The following SCNN1G variants were observed in gnomAD, a reference collection of about 807,000 sequenced individuals.
The protein encoded by SCNN1G is epithelial sodium channel subunit gamma.
A neutral mutation model predicts 64.6 loss-of-function variants in SCNN1G; 27 were observed. The observed-to-expected ratio is 0.42, with a 90% CI of 0.31 to 0.58. The LOEUF is 0.58. Ranked by LOEUF, SCNN1G falls within the 20% of genes least tolerant of loss-of-function variation. The pLI, the probability that SCNN1G is intolerant of heterozygous loss-of-function variation, is 0.18. For missense variants in SCNN1G, 743 were observed against 823.4 expected, an observed-to-expected ratio of 0.90 and a Z score of 1.19; for synonymous variants, 330 against 314.2, an observed-to-expected ratio of 1.05 and a Z score of -0.53.
intron 6 of SCNN1G, among the ~76,000 whole-genome samples, chr16:23,200,510 T>C (rs1347073854): frequency 6.6e-6 from 1 of 152,180 alleles, no homozygotes; most frequent in Non-Finnish European, 1.5e-5. Context: ...TGGTGGGCAA[T>C]TAGGGCTTGG....
chr16:23,185,098 T>C (rs1230646778), intron 1 of SCNN1G, among the ~76,000 whole-genome samples: 1 of 152,210 alleles, frequency 6.6e-6, no homozygotes, highest in Non-Finnish European at 1.5e-5. Flanking sequence ...GCGTATGCCA[T>C]AGCGGTGAAG....
chr16:23,193,782 CA>C (rs1307267997), intron 4 of SCNN1G, among the ~76,000 whole-genome samples: 3 of 150,864 alleles, frequency 2.0e-5, no homozygotes, highest in Non-Finnish European at 4.4e-5. Context: ...AGTTGGGTTC[CA>C]AAGTCATGTA....
At chr16:23,199,312 T>C (rs144129588) in intron 6 of SCNN1G, among the ~76,000 whole-genome samples, 1 of 152,340 alleles carries the variant, frequency 6.6e-6, no homozygotes, top group African/African-American at 2.4e-5. Context: ...CATCATTCTT[T>C]TAAAAGATTC....
Position 23,194,211 on chromosome 16 carries a change from T to C in SCNN1G, c.850T>C (p.Tyr284His). 5 of 1,614,050 alleles carry C rather than the reference T, an allele frequency of 3.1e-6. No individual in the cohort carries two copies. Among genetic ancestry groups the C allele is most frequent in the Non-Finnish European group, 4.2e-6 (5 of 1,179,960 alleles). Residue 284 changes from tyrosine to histidine, a missense_variant, in exon 5 of 13, where the codon TAT becomes CAT. By Grantham distance (83) the Tyr-to-His change is moderately conservative (BLOSUM62 2). Transcript: ENST00000300061. ...LFHHPMHGNCYTFNNRENETI... is the reference protein window; with the variant it reads ...LFHHPMHGNCHTFNNRENETI... ...CCACCACCCGATGCATGGGAATTGC[T>C]ATACTTTCAACAACAGAGAAAATGA...
In SCNN1G at chr16:23,210,831, A is replaced by T. The variant is rs1030947203; in HGVS notation, c.1176+983A>T. ...AAGATCACTTGAGCCCAGGAGTTTG[A>T]GACCAGCCTGGGCAACATAGCAAGA... On this transcript the variant is annotated intron_variant, in intron 7 of 12. Transcript: ENST00000300061. Among the ~76,000 whole-genome samples the T allele has an allele frequency of 2.0e-5, 3 of 152,128 alleles. No homozygotes were observed. The East Asian group carries it at 5.8e-4, about 29-fold the overall frequency.
intron 1 of SCNN1G, among the ~76,000 whole-genome samples, chr16:23,185,066 C>A (rs1004255294): frequency 6.6e-6 from 1 of 152,204 alleles, no homozygotes; most frequent in Non-Finnish European, 1.5e-5. Context: ...CTGCACCCAG[C>A]GTACTACCAG....
At chr16:23,209,623 T>C in intron 6 of SCNN1G, 127 bp from the exon 7 acceptor site, 3 of 739,198 alleles carry the variant, frequency 4.1e-6, no homozygotes, top group South Asian at 1.4e-5. Flanking sequence ...TTTCATTAAA[T>C]GAATGACCAA....
intron 6 of SCNN1G, among the ~76,000 whole-genome samples, chr16:23,204,304 T>TAC (rs1217720637): frequency 1.7e-4 from 9 of 54,436 alleles, no homozygotes; most frequent in South Asian, 7.4e-4. Context: ...TATATATATA[T>TAC]ATATATATAT....
chr16:23,211,979 T>C lies in SCNN1G; in HGVS notation c.1177-55T>C, dbSNP rs9931527. 263,536 of 1,305,930 alleles carry C rather than the reference T, an allele frequency of 0.2. 28,508 individuals are homozygous for C. The highest frequency in any genetic ancestry group is 0.25 in the African/African-American group (17,075 of 68,932). The allele number at this position is 1,305,930 out of a possible 1,614,324, so 80.9% of individuals were successfully genotyped here. ...CTGGGCTGAGGGATGTGCAGGAAAC[T>C]CCCTGACATCCCTGAGCAAAGACAT... On this transcript the variant is annotated intron_variant, in intron 7 of 12. Coordinates refer to ENST00000300061, the MANE Select transcript of SCNN1G (RefSeq NM_001039.4).
chr16:23,187,106 C>CT (rs991130957), intron 2 of SCNN1G, among the ~76,000 whole-genome samples: 24,004 of 117,884 alleles, frequency 0.2, 2,820 homozygotes, highest in Admixed American at 0.25. Flanking sequence ...CTGGCCTTTT[C>CT]TTTTTTTTTT....
chr16:23,204,298 T>C (rs1381310296), intron 6 of SCNN1G, among the ~76,000 whole-genome samples: 8 of 19,644 alleles, frequency 4.1e-4, no homozygotes, highest in South Asian at 1.9e-3. Flanking sequence ...CATATATATA[T>C]ATATATATAT....
rs780031168 is a variant in SCNN1G, at chr16:23,197,346, T to A, written c.996T>A (p.His332Gln). The change falls in exon 6 of 13, where the codon CAT (histidine) becomes CAA (glutamine). Residue 332 changes from histidine (H) to glutamine (Q), a missense_variant. Transcript: ENST00000300061. ...VSSTGAKVII[H>Q]RQDEYPFVED... ...CCACTGGAGCTAAGGTGATCATCCA[T>A]CGGCAGGATGAGTATCCCTTCGTCG... 29 of 1,613,292 alleles carry A rather than the reference T, an allele frequency of 1.8e-5. 1 individual carries two copies. In the South Asian group the frequency reaches 3.1e-4, roughly 17 times the overall value.
At position 23,186,394 on chromosome 16, in the gene SCNN1G, T is replaced by G. The variant is rs1596760807; in HGVS notation, c.123T>G (p.Cys41Trp). The G allele has an allele frequency of 3.1e-6, 5 of 1,614,282 alleles. No homozygotes were observed. Among genetic ancestry groups the G allele is most frequent in the Non-Finnish European group, 4.2e-6 (5 of 1,180,056 alleles). ...WYCLNTNTHG[C>W]RRIVVSRGRL... is the part of the protein sequence containing the mutation. ...GCCTCAACACCAACACCCATGGCTG[T>G]CGCCGCATCGTGGTGTCCCGCGGCC... Residue 41 changes from cysteine (C) to tryptophan (W), a missense_variant, in exon 2 of 13, where the codon TGT (cysteine) becomes TGG (tryptophan). Physicochemically the swap from Cys to Trp is radical, Grantham distance 215 (BLOSUM62 -2). Transcript: ENST00000300061.
intron 2 of SCNN1G, among the ~76,000 whole-genome samples, 187 bp from the exon 3 acceptor site, chr16:23,189,184 C>G (rs760538714): frequency 1.3e-5 from 2 of 152,158 alleles, no homozygotes; most frequent in African/African-American, 2.4e-5. Context: ...TGAGCCTTTC[C>G]CCATTTGCCA....
At position 23,216,667 on chromosome 16, in the gene SCNN1G, A is replaced by G. The variant is rs72647547; in HGVS notation, c.*1198A>G. On this transcript the variant is annotated 3_prime_UTR_variant, in exon 13 of 13. Coordinates refer to ENST00000300061, the MANE Select transcript of SCNN1G (RefSeq NM_001039.4). ...TTTTTTGTAGAAATAGGATCTCACTATGTTGCCCAGGCTGTTCTTGAACTC... is the reference window on the plus strand; with the variant it reads ...TTTTTTGTAGAAATAGGATCTCACTGTGTTGCCCAGGCTGTTCTTGAACTC... 3 of 152,128 alleles carry G rather than the reference A, an allele frequency of 2.0e-5. No individual in the cohort carries two copies. Among genetic ancestry groups the G allele is most frequent in the Non-Finnish European group, 2.9e-5 (2 of 68,016 alleles). 9.4% of individuals were successfully genotyped at this position (152,128 alleles called of 1,614,324 possible).
chr16:23,195,215 C>G (rs900999117), intron 5 of SCNN1G, among the ~76,000 whole-genome samples: 1 of 152,152 alleles, frequency 6.6e-6, no homozygotes, highest in Non-Finnish European at 1.5e-5. Flanking sequence ...AGCCATAACA[C>G]ATACCAAGCA....
intron 12 of SCNN1G, 84 bp from the exon 13 acceptor site, chr16:23,215,005 G>A: frequency 6.5e-7 from 1 of 1,528,908 alleles, no homozygotes; most frequent in Non-Finnish European, 9.0e-7. Flanking sequence ...GCTGACCCGT[G>A]GCTCCCTTGG....
intron 2 of SCNN1G, among the ~76,000 whole-genome samples, chr16:23,188,962 C>T (rs1334054220): frequency 6.6e-6 from 1 of 152,134 alleles, no homozygotes; most frequent in Non-Finnish European, 1.5e-5. Flanking sequence ...TGGGCAGAGG[C>T]AGAGTGAGCT....
chr16:23,210,337 G>A (rs1238751261), intron 7 of SCNN1G, among the ~76,000 whole-genome samples: 2 of 152,154 alleles, frequency 1.3e-5, no homozygotes, highest in Non-Finnish European at 2.9e-5. Flanking sequence ...GATGGTGTTC[G>A]AAAGTCAAGG....
Sources: gnomAD v4.1 joint callset for allele counts (sites outside exome capture counted in the v4.1 genomes callset) on GRCh38, gnomAD v4.1.1 for gene constraint, MANE v1.5 for transcripts, NCBI Gene and HGNC (gene_info 2026-07-23, HGNC 2026-07-21) for gene names.